The following APBA2 variants were observed in gnomAD, a reference collection of about 807,000 sequenced individuals.
APBA2 encodes the protein amyloid beta precursor protein binding family A member 2.
APBA2 carries 30 observed loss-of-function variants against 75.0 expected under a neutral mutation model. That is an observed-to-expected ratio of 0.40 (90% CI 0.30 to 0.54). The LOEUF is 0.54. Ranked by LOEUF, APBA2 falls within the 20% of genes least tolerant of loss-of-function variation. APBA2 has a pLI of 0.49. For synonymous variants in APBA2, 444 were observed against 409.6 expected (o/e 1.08, Z -1.01); for missense variants, 801 against 1,016.1 (o/e 0.79, Z 2.88).
intron 3 of APBA2, among the ~76,000 whole-genome samples, chr15:29,050,304 G>A (rs1290587619): frequency 6.6e-6 from 1 of 152,192 alleles, no homozygotes; most frequent in Non-Finnish European, 1.5e-5. Context: ...TGTGAGATCA[G>A]AGCCATTTTA....
intron 4 of APBA2, among the ~76,000 whole-genome samples, chr15:29,061,606 G>A (rs771845785): frequency 1.2e-4 from 19 of 152,348 alleles, no homozygotes; most frequent in Non-Finnish European, 2.4e-4. Context: ...AGGCCACATC[G>A]AATGCAGAAT....
At chr15:29,004,043 G>A (rs1446973147) in intron 3 of APBA2, among the ~76,000 whole-genome samples, 1 of 152,194 alleles carries the variant, frequency 6.6e-6, no homozygotes, top group Non-Finnish European at 1.5e-5. Flanking sequence ...TGGCAGCATT[G>A]TCACTTCCTG....
At chr15:29,096,553 G>T (rs962417586) in intron 8 of APBA2, among the ~76,000 whole-genome samples, 1 of 152,202 alleles carries the variant, frequency 6.6e-6, no homozygotes, top group Non-Finnish European at 1.5e-5. Flanking sequence ...AAGTTCCTCC[G>T]CGGCTGCGGA....
chr15:28,980,396 A>C (rs2037558548), intron 2 of APBA2, among the ~76,000 whole-genome samples: 1 of 152,262 alleles, frequency 6.6e-6, no homozygotes, highest in South Asian at 2.1e-4. Flanking sequence ...TCAAGATACA[A>C]CATCAATGTA....
chr15:28,982,356 G>C (rs8033160), intron 2 of APBA2, among the ~76,000 whole-genome samples: 4,221 of 152,290 alleles, frequency 0.028, 74 homozygotes, highest in Non-Finnish European at 0.031. Context: ...TCACTGGGCT[G>C]TTTCCTTATC....
chr15:29,105,656 C>G (rs1216151922), intron 11 of APBA2, 98 bp downstream of exon 11: 2 of 1,347,944 alleles, frequency 1.5e-6, no homozygotes, highest in Non-Finnish European at 2.1e-6. Flanking sequence ...CACGCACACC[C>G]TTGCCTTCCT....
At chr15:29,061,244 C>T (rs1368093451) in intron 4 of APBA2, among the ~76,000 whole-genome samples, 7 of 152,136 alleles carry the variant, frequency 4.6e-5, no homozygotes, top group African/African-American at 1.2e-4. Context: ...TACCTTGTGA[C>T]GTCTATCAGG....
intron 2 of APBA2, among the ~76,000 whole-genome samples, chr15:28,949,339 C>T (rs1255018241): frequency 2.6e-5 from 4 of 152,168 alleles, no homozygotes; most frequent in East Asian, 1.9e-4. Flanking sequence ...AAGTCAGGGC[C>T]GGGCAGAAGC....
At position 28,945,923 on chromosome 15, in the gene APBA2, C is replaced by A. The variant is rs868150481; in HGVS notation, c.-95+24174C>A. 2.0e-5 allele frequency among the ~76,000 whole-genome samples: 3 copies of A among 152,106 alleles called. No individual in the cohort carries two copies. In the East Asian group the frequency reaches 5.8e-4, roughly 29 times the overall value. On this transcript the variant is annotated intron_variant, in intron 2 of 14. Transcript: ENST00000683413. ...CGTGATGAGGAGGAGGACTCTGGGCCGACAGTGTATGAGGGTTCCGCCTCA... is the reference window on the plus strand; with the variant it reads ...CGTGATGAGGAGGAGGACTCTGGGCAGACAGTGTATGAGGGTTCCGCCTCA...
At chr15:29,033,837 C>T (rs575672922) in intron 3 of APBA2, among the ~76,000 whole-genome samples, 23 of 151,778 alleles carry the variant, frequency 1.5e-4, no homozygotes, top group African/African-American at 4.8e-4. Context: ...TGGTGGCGGG[C>T]GCCTGTAGTC....
chr15:28,916,690 T>C (rs1460120100), intron 1 of APBA2, among the ~76,000 whole-genome samples: 1 of 152,176 alleles, frequency 6.6e-6, no homozygotes, highest in Admixed American at 6.5e-5. Flanking sequence ...GTAGCTCACT[T>C]ACCATTTTCC....
At chr15:29,010,604 A>G (rs1460627601) in intron 3 of APBA2, among the ~76,000 whole-genome samples, 1 of 152,152 alleles carries the variant, frequency 6.6e-6, no homozygotes, top group Non-Finnish European at 1.5e-5. Context: ...CTAGATGTAC[A>G]TATTACAAAT....
In APBA2 at chr15:29,053,936, G is replaced by T. The variant is rs2041736383; in HGVS notation, c.52G>T (p.Val18Leu). The T allele has an allele frequency of 6.2e-7, 1 of 1,613,922 alleles. No individual in the cohort carries two copies. Among genetic ancestry groups the T allele is most frequent in the African/African-American group, 1.3e-5 (1 of 74,894 alleles). The change falls in exon 4 of 15, where the codon GTG (valine) becomes TTG (leucine). Residue 18 changes from valine (V) to leucine (L), a missense_variant. Coordinates refer to ENST00000683413, the MANE Select transcript of APBA2 (RefSeq NM_001353788.2). The part of the protein sequence containing the change: ...SVGSGMLDHR[V>L]RPGPVPHSQE... ...GGGGAGCGGCATGTTGGACCATAGGGTGAGACCAGGTCCTGTCCCTCACAG... is the reference window on the plus strand; with the variant it reads ...GGGGAGCGGCATGTTGGACCATAGGTTGAGACCAGGTCCTGTCCCTCACAG...
intron 9 of APBA2, among the ~76,000 whole-genome samples, chr15:29,100,281 C>T (rs1444727093): frequency 2.6e-5 from 4 of 152,168 alleles, no homozygotes; most frequent in Non-Finnish European, 5.9e-5. Flanking sequence ...AGTGTCCCTC[C>T]CTGGAAGGTG....
intron 6 of APBA2, among the ~76,000 whole-genome samples, chr15:29,083,555 G>C (rs1306766198): frequency 6.6e-6 from 1 of 152,228 alleles, no homozygotes. Context: ...TTTTGAGACA[G>C]AGTCTCACTC....
rs913203843 is a variant in APBA2, at chr15:28,954,667, ATCT to A, written c.-95+32923_-95+32925del. ...TCAGCCCTGGGCTCACAGTCCTGAC[ATCT>A]TCTTGAAGACGGCGCTCACGGTCAG... On this transcript the variant is annotated intron_variant, in intron 2 of 14. Coordinates refer to ENST00000683413, the MANE Select transcript of APBA2 (RefSeq NM_001353788.2). Among the ~76,000 whole-genome samples the A allele has an allele frequency of 1.8e-3, 280 of 152,258 alleles. 1 individual carries two copies. The highest frequency in any genetic ancestry group is 6.4e-3 in the African/African-American group (264 of 41,546).
In APBA2 at chr15:28,926,842, ACT is replaced by A. The variant is rs200294232; in HGVS notation, c.-95+5108_-95+5109del. On this transcript the variant is annotated intron_variant, in intron 2 of 14. Transcript: ENST00000683413. ...TTCAAAATTTTAAGGATTTCACTCC[ACT>A]CTCTCTCTCTCTCTTTTTTTTTTTT... is the stretch of plus-strand genomic sequence containing the variant. 8.7e-3 allele frequency among the ~76,000 whole-genome samples: 1,225 copies of A among 140,746 alleles called. 73 individuals are homozygous for A. Among genetic ancestry groups the A allele is most frequent in the African/African-American group, 0.019 (700 of 36,734 alleles). 92.3% of individuals were successfully genotyped at this position (140,746 alleles called of 152,430 possible).
Position 29,106,725 on chromosome 15 carries a change from G to A in APBA2, c.1823G>A (p.Arg608His), listed in dbSNP as rs2044428932. 3 of 1,612,958 alleles carry A rather than the reference G, an allele frequency of 1.9e-6. No homozygotes were observed. Among genetic ancestry groups the A allele is most frequent in the Non-Finnish European group, 2.5e-6 (3 of 1,179,994 alleles). ...ANMMNGGPAA[R>H]SGKLSIGDQI... is the part of the protein sequence containing the mutation. ...ATGATGAATGGCGGCCCGGCTGCCC[G>A]CTCGGGGAAGCTGAGCATCGGGGAC... The change falls in exon 12 of 15, where the codon CGC (arginine) becomes CAC (histidine). Residue 608 changes from arginine (R) to histidine (H), a missense_variant. Around this residue, in one of 2 missense-constraint regions of APBA2, gnomAD observed 367 missense variants for 544.5 expected, o/e 0.67. Transcript: ENST00000683413.
intron 6 of APBA2, among the ~76,000 whole-genome samples, chr15:29,085,817 C>A (rs1239770022): frequency 6.6e-6 from 1 of 152,118 alleles, no homozygotes; most frequent in Non-Finnish European, 1.5e-5. Flanking sequence ...CTCCATGGAG[C>A]CCTGTGAAAT....
Sources: allele counts gnomAD v4.1 joint callset (sites outside exome capture counted in the v4.1 genomes callset), GRCh38; gene constraint gnomAD v4.1.1; regional missense constraint gnomAD v4.1.1; transcripts MANE v1.5; gene names NCBI Gene and HGNC (gene_info 2026-07-23, HGNC 2026-07-21).